Variants in SYNJ1 observed in about 807,000 individuals in gnomAD.
The protein encoded by SYNJ1 is polyphosphatidylinositol phosphatase SYNJ1.
In SYNJ1, 78 loss-of-function variants were observed where a neutral mutation model predicts 168.2. That is an observed-to-expected ratio of 0.46 (90% CI 0.39 to 0.56). The LOEUF (loss-of-function observed/expected upper bound fraction) is 0.56, where lower values mean the gene tolerates loss of function less well. SYNJ1 is among the 20% of genes least tolerant of loss of function. The pLI is 0.00. For missense variants in SYNJ1, 1,303 were observed against 1,597.6 expected (o/e 0.82, Z 3.14); for synonymous variants, 539 against 548.6 (o/e 0.98, Z 0.24).
Position 32,726,683 on chromosome 21 carries a change from T to C in SYNJ1, c.124+89A>G, listed in dbSNP as rs2043469220. The C allele has an allele frequency of 3.8e-5, 57 of 1,504,076 alleles. No homozygotes were observed. The South Asian group carries it at 6.4e-4, about 17-fold the overall frequency. 93.2% of individuals were successfully genotyped at this position (1,504,076 alleles called of 1,614,324 possible). On this transcript the variant is annotated intron_variant, in intron 2 of 32. Coordinates refer to ENST00000674351, the MANE Select transcript of SYNJ1 (RefSeq NM_203446.3). ...TAGAGGAAATACAGTGAAAGGGTTG[T>C]CGGGCTCTTTTCTAAAAAATGGTTG...
At chr21:32,644,760 C>T (rs983389412) in intron 26 of SYNJ1, among the ~76,000 whole-genome samples, 5 of 151,854 alleles carry the variant, frequency 3.3e-5, no homozygotes, top group Admixed American at 6.6e-5. Flanking sequence ...GTAAATGAAT[C>T]GACCACATTT....
intron 16 of SYNJ1, 99 bp downstream of exon 16, chr21:32,666,334 T>C (rs2040931481): frequency 1.3e-6 from 2 of 1,514,258 alleles, no homozygotes; most frequent in Non-Finnish European, 1.8e-6. Context: ...GAACTATGGA[T>C]AGTTTTTGTT....
At chr21:32,699,419 T>C (rs1444887484) in intron 4 of SYNJ1, among the ~76,000 whole-genome samples, 1 of 152,170 alleles carries the variant, frequency 6.6e-6, no homozygotes, top group Non-Finnish European at 1.5e-5. Flanking sequence ...CCCAGGAAGG[T>C]ATAGCCATCA....
intron 2 of SYNJ1, among the ~76,000 whole-genome samples, chr21:32,704,596 G>A (rs979764983): frequency 7.9e-5 from 12 of 152,176 alleles, no homozygotes; most frequent in African/African-American, 2.9e-4. Flanking sequence ...TGACTAGGGT[G>A]AGGAGAGGAC....
chr21:32,644,266 A>AT (rs1473745417), intron 26 of SYNJ1, among the ~76,000 whole-genome samples: 3 of 152,234 alleles, frequency 2.0e-5, no homozygotes, highest in Non-Finnish European at 2.9e-5. Flanking sequence ...TGCTGAAATA[A>AT]TTTAGCTATT....
intron 7 of SYNJ1, 52 bp from the exon 8 acceptor site, chr21:32,687,126 T>C (rs1289816433): frequency 2.1e-6 from 2 of 949,922 alleles, no homozygotes; most frequent in South Asian, 1.9e-5. Flanking sequence ...AGCCCAATTT[T>C]TTCAATAAAC....
rs1391390763 is a variant in SYNJ1 at position 32,673,525 on chromosome 21, G to C, written c.1541C>G (p.Ser514Cys). 1 of 1,602,804 alleles carries C rather than the reference G, an allele frequency of 6.2e-7. No homozygotes were observed. The highest frequency in any genetic ancestry group is 1.7e-5 in the Admixed American group (1 of 58,200). ...VSEQTLQSAS[S>C]KVLKSMCENF... Reference sequence around the variant, plus strand: ...CTCACACATGCTCTTTAGTACTTTAGAAGATGCTAATCAAGAGAAGACACA... The same window carrying C: ...CTCACACATGCTCTTTAGTACTTTACAAGATGCTAATCAAGAGAAGACACA... Residue 514 changes from serine to cysteine, a missense_variant, in exon 14 of 33, where the codon TCT (serine) becomes TGT (cysteine). Transcript: ENST00000674351.
intron 25 of SYNJ1, among the ~76,000 whole-genome samples, chr21:32,645,333 A>G (rs142485708): frequency 2.4e-4 from 37 of 152,336 alleles, no homozygotes; most frequent in Admixed American, 5.2e-4. Context: ...GAAAAAAATT[A>G]AACCTAATTT....
chr21:32,702,167 A>T (rs1984222011), intron 2 of SYNJ1, 120 bp from the exon 3 acceptor site: 2 of 635,392 alleles, frequency 3.1e-6, no homozygotes, highest in Non-Finnish European at 2.6e-6. Flanking sequence ...AAATAAATGT[A>T]CTGCATATTT....
chr21:32,708,959 T>TA (rs922373317), intron 2 of SYNJ1, among the ~76,000 whole-genome samples: 3 of 151,710 alleles, frequency 2.0e-5, no homozygotes, highest in Non-Finnish European at 4.4e-5. Context: ...CTCTAAAAAA[T>TA]AAAAAATAAA....
chr21:32,703,489 A>T (rs1569115593), intron 2 of SYNJ1, among the ~76,000 whole-genome samples: 1 of 152,224 alleles, frequency 6.6e-6, no homozygotes. Flanking sequence ...TGCCTCGTTA[A>T]GAGTACCATA....
chr21:32,665,962 C>T lies in SYNJ1; in HGVS notation c.2126G>A (p.Arg709Gln), dbSNP rs142478967. ...ERNEDFIEIA[R>Q]KLSFPMGRML... ...GCTTACCATAGGAAAACTCAATTTT[C>T]GTGCTATTTCTATAAAATCTTCATT... Residue 709 changes from arginine (R) to glutamine (Q), a missense_variant, in exon 17 of 33, where the codon CGA becomes CAA. Arg to Gln is a conservative substitution (Grantham distance 43, BLOSUM62 1). Coordinates refer to ENST00000674351, the MANE Select transcript of SYNJ1 (RefSeq NM_203446.3). The T allele has an allele frequency of 1.2e-5, 20 of 1,608,350 alleles. No homozygotes were observed. The highest frequency in any genetic ancestry group is 5.4e-5 in the African/African-American group (4 of 74,602).
At chr21:32,659,988 G>A (rs1166637208) in intron 18 of SYNJ1, among the ~76,000 whole-genome samples, 3 of 152,198 alleles carry the variant, frequency 2.0e-5, no homozygotes, top group African/African-American at 2.4e-5. Flanking sequence ...TGCCCCGGTC[G>A]AACGCCTCAC....
At chr21:32,699,137 A>G (rs1429132682) in intron 4 of SYNJ1, among the ~76,000 whole-genome samples, 3 of 152,212 alleles carry the variant, frequency 2.0e-5, no homozygotes, top group Non-Finnish European at 2.9e-5. Flanking sequence ...TGTTATCTCT[A>G]GACATAACAA....
chr21:32,700,482 C>A (rs1260730208), intron 3 of SYNJ1, among the ~76,000 whole-genome samples: 1 of 151,978 alleles, frequency 6.6e-6, no homozygotes. Context: ...TGGAGAAACC[C>A]CATCTCTACT....
Position 32,727,969 on chromosome 21 carries a change from CCTT to C in SYNJ1, c.-49_-47del, listed in dbSNP as rs768123689. The C allele has an allele frequency of 4.6e-6, 7 of 1,534,726 alleles. No homozygotes were observed. In the African/African-American group the frequency reaches 6.9e-5, roughly 15 times the overall value. On this transcript the variant is annotated 5_prime_UTR_variant, in exon 1 of 33. Coordinates refer to ENST00000674351, the MANE Select transcript of SYNJ1 (RefSeq NM_203446.3). ...ACCTCTTCCTCCGGCTCCTCCTCCT[CCTT>C]CTCCCGCAGCCGCCGCCACAGCCGC... is the stretch of plus-strand genomic sequence containing the variant.
rs113140811 is a variant in SYNJ1 at position 32,726,960 on chromosome 21, C to T, written c.-22-43G>A. ...AGCAAAGCAAATGAAGCTGATGTTT[C>T]CTTCTGCAGCAAGGACTGCAAAGCA... On this transcript the variant is annotated intron_variant, in intron 1 of 32. Coordinates refer to ENST00000674351, the MANE Select transcript of SYNJ1 (RefSeq NM_203446.3). 704 of 1,603,144 alleles carry T rather than the reference C, an allele frequency of 4.4e-4. 3 individuals carry two copies. In the African/African-American group the frequency reaches 5.2e-3, roughly 12 times the overall value.
chr21:32,674,302 TTCAAG>T, intron 13 of SYNJ1, among the ~76,000 whole-genome samples: 2 of 152,360 alleles, frequency 1.3e-5, no homozygotes, highest in Middle Eastern at 3.4e-3. Context: ...CCGCACATCC[TTCAAG>T]TCTTTACTTT....
Position 32,664,842 on chromosome 21 carries a change from A to G in SYNJ1, c.2304+71T>C, listed in dbSNP as rs2040860558. ...AAAGACCCCAAGAAAATTTTAAAAC[A>G]TCTTGATTTAAAAAGGCATGTTTCA... On this transcript the variant is annotated intron_variant, in intron 18 of 32. Coordinates refer to ENST00000674351, the MANE Select transcript of SYNJ1 (RefSeq NM_203446.3). 12 of 1,381,556 alleles carry G rather than the reference A, an allele frequency of 8.7e-6. No individual in the cohort carries two copies. In the South Asian group the frequency reaches 1.9e-4, roughly 22 times the overall value. The allele number at this position is 1,381,556 out of a possible 1,614,324, so 85.6% of individuals were successfully genotyped here. A position where few individuals can be genotyped will look rare whatever the true frequency, so the allele number is the denominator to read the frequency against.
Sources: allele counts gnomAD v4.1 joint callset (sites outside exome capture counted in the v4.1 genomes callset), GRCh38; gene constraint gnomAD v4.1.1; transcripts MANE v1.5; gene names NCBI Gene and HGNC (gene_info 2026-07-23, HGNC 2026-07-21).